RAB3C: variants seen among roughly 807,000 people sequenced by gnomAD.
RAB3C encodes RAB3C, member RAS oncogene family, also known as ras-related protein Rab-3C.
In RAB3C, 17 loss-of-function variants were observed where a neutral mutation model predicts 26.4. That is an observed-to-expected ratio of 0.64 (90% CI 0.44 to 0.97). The LOEUF is 0.97. RAB3C is among the 50% of genes least tolerant of loss of function. The probability of loss-of-function intolerance (pLI) is 0.00; values close to 1 mark genes in which losing one functional copy is unlikely to be tolerated. For synonymous variants in RAB3C, 91 were observed against 95.9 expected (o/e 0.95, Z 0.30); for missense variants, 242 against 281.9 (o/e 0.86, Z 1.01).
intron 2 of RAB3C, among the ~76,000 whole-genome samples, chr5:58,640,551 C>A (rs1310501118): frequency 6.6e-6 from 1 of 152,132 alleles, no homozygotes; most frequent in Non-Finnish European, 1.5e-5. Context: ...AGCCAACATA[C>A]TGTGAGGACA....
chr5:58,602,863 G>T (rs922069142), intron 1 of RAB3C, among the ~76,000 whole-genome samples: 1 of 152,014 alleles, frequency 6.6e-6, no homozygotes, highest in African/African-American at 2.4e-5. Flanking sequence ...GAAATATGAG[G>T]TACCATTGTA....
upstream of RAB3C, chr5:58,582,290 A>T (rs1745915646): frequency 1.5e-5 from 7 of 466,772 alleles, no homozygotes; most frequent in South Asian, 5.5e-4. Context: ...CGCCACCCCT[A>T]CCCCTTCTAT....
chr5:58,827,219 G>A (rs1169844941), intron 4 of RAB3C, among the ~76,000 whole-genome samples: 1 of 152,176 alleles, frequency 6.6e-6, no homozygotes, highest in East Asian at 1.9e-4. Context: ...AGAGAGGGAG[G>A]AAACCTGGGA....
intron 3 of RAB3C, among the ~76,000 whole-genome samples, chr5:58,811,203 T>C (rs753783310): frequency 2.0e-5 from 3 of 152,228 alleles, no homozygotes; most frequent in Non-Finnish European, 2.9e-5. Context: ...AATTACTCTC[T>C]ACAACCAAGG....
intron 1 of RAB3C, among the ~76,000 whole-genome samples, chr5:58,597,258 T>A (rs1746332121): frequency 8.6e-6 from 1 of 116,092 alleles, no homozygotes; most frequent in Non-Finnish European, 1.6e-5. Flanking sequence ...TAATATATAC[T>A]ACACAATATA....
At chr5:58,813,210 C>A (rs368664081) in intron 3 of RAB3C, among the ~76,000 whole-genome samples, 2 of 152,240 alleles carry the variant, frequency 1.3e-5, no homozygotes, top group African/African-American at 4.8e-5. Context: ...AGGGCTGGCA[C>A]AAAGATTTCT....
At chr5:58,602,504 A>C (rs1746478474) in intron 1 of RAB3C, among the ~76,000 whole-genome samples, 1 of 152,068 alleles carries the variant, frequency 6.6e-6, no homozygotes, top group Admixed American at 6.6e-5. Context: ...AGGTCTGCTA[A>C]TAATTGTTTT....
chr5:58,748,731 T>C (rs1227051254), intron 3 of RAB3C, among the ~76,000 whole-genome samples: 1 of 152,150 alleles, frequency 6.6e-6, no homozygotes, highest in Non-Finnish European at 1.5e-5. Flanking sequence ...CATTATGAGG[T>C]AGAGATGTCT....
intron 3 of RAB3C, among the ~76,000 whole-genome samples, chr5:58,776,823 AT>A (rs1177257790): frequency 1.3e-5 from 2 of 152,094 alleles, no homozygotes; most frequent in Non-Finnish European, 2.9e-5. Context: ...TGATGTGGCC[AT>A]TGTCAATACC....
chr5:58,794,000 CATG>C (rs1742586496), intron 3 of RAB3C, among the ~76,000 whole-genome samples: 1 of 152,052 alleles, frequency 6.6e-6, no homozygotes, highest in South Asian at 2.1e-4. Context: ...TTCCTGAAAC[CATG>C]ATTTCTCCCA....
At chr5:58,828,662 A>G (rs1222233280) in intron 4 of RAB3C, among the ~76,000 whole-genome samples, 1 of 152,222 alleles carries the variant, frequency 6.6e-6, no homozygotes, top group East Asian at 1.9e-4. Context: ...AATCATCTGC[A>G]GCTGAATTGG....
At chr5:58,799,656 C>CA (rs1487132093) in intron 3 of RAB3C, among the ~76,000 whole-genome samples, 1 of 152,196 alleles carries the variant, frequency 6.6e-6, no homozygotes, top group African/African-American at 2.4e-5. Flanking sequence ...CACACCCCCA[C>CA]ACTCTCAGTC....
chr5:58,843,637 G>C (rs142789667), intron 4 of RAB3C, among the ~76,000 whole-genome samples: 1 of 152,146 alleles, frequency 6.6e-6, no homozygotes, highest in African/African-American at 2.4e-5. Flanking sequence ...GAAGTGTAAC[G>C]ATCTTGCATT....
rs931358121 is a variant in RAB3C, at chr5:58,702,808, C to T, written c.253-23194C>T. On this transcript the variant is annotated intron_variant, in intron 2 of 4. Transcript: ENST00000282878. ...TAAACCTACCTCTAAACAAACCCTC[C>T]AGAGAGAACTAATAATATTTACACA... Among the ~76,000 whole-genome samples, 5 of 152,066 alleles carry T rather than the reference C, an allele frequency of 3.3e-5. No individual in the cohort carries two copies. The East Asian group carries it at 9.6e-4, about 29-fold the overall frequency.
chr5:58,642,118 T>C (rs1238886039), intron 2 of RAB3C, among the ~76,000 whole-genome samples: 2 of 152,240 alleles, frequency 1.3e-5, no homozygotes, highest in Non-Finnish European at 2.9e-5. Flanking sequence ...TATCAAGCCA[T>C]GCCATTTGCA....
At chr5:58,799,990 A>G (rs182902208) in intron 3 of RAB3C, among the ~76,000 whole-genome samples, 1 of 152,328 alleles carries the variant, frequency 6.6e-6, no homozygotes, top group African/African-American at 2.4e-5. Context: ...GCAAACAATG[A>G]TTTATTTTAC....
chr5:58,843,899 C>T (rs577670310), intron 4 of RAB3C, among the ~76,000 whole-genome samples: 1 of 152,128 alleles, frequency 6.6e-6, no homozygotes, highest in Non-Finnish European at 1.5e-5. Flanking sequence ...CTTCTCCCAG[C>T]CAATTAACAG....
chr5:58,583,050 TGCGGCGCCAGGAGAGGACA>T, upstream of RAB3C: 1 of 1,462,146 alleles, frequency 6.8e-7, no homozygotes, highest in South Asian at 1.4e-5. Context: ...AGTACGCGTG[TGCGGCGCCAGGAGAGGACA>T]GCTCCAGTGC....
chr5:58,616,492 T>A (rs1195149200), intron 1 of RAB3C, among the ~76,000 whole-genome samples: 1 of 152,150 alleles, frequency 6.6e-6, no homozygotes, highest in East Asian at 1.9e-4. Flanking sequence ...AAATGGTACT[T>A]AGAAGTAATG....
Sources: gnomAD v4.1 joint callset for allele counts (sites outside exome capture counted in the v4.1 genomes callset) on GRCh38, gnomAD v4.1.1 for gene constraint, MANE v1.5 for transcripts, NCBI Gene and HGNC (gene_info 2026-07-23, HGNC 2026-07-21) for gene names.